POM121: variants seen among roughly 807,000 people sequenced by gnomAD.
POM121 encodes POM121 transmembrane nucleoporin, also known as nuclear envelope pore membrane protein POM 121.
A neutral mutation model predicts 81.3 loss-of-function variants in POM121; 32 were observed. That is an observed-to-expected ratio of 0.39 (90% confidence interval 0.30 to 0.53). The LOEUF is 0.53. POM121 is among the 20% of genes least tolerant of loss of function. POM121 has a pLI of 0.66. For missense variants in POM121, 1,138 were observed against 1,614.6 expected (o/e 0.70, Z 5.06); for synonymous variants, 514 against 694.2 (o/e 0.74, Z 4.08).
rs1416161593 is a variant in POM121 at position 72,930,171 on chromosome 7, A to G, written c.1275+60A>G. On this transcript the variant is annotated intron_variant, in intron 5 of 12. Coordinates refer to ENST00000434423, the MANE Select transcript of POM121 (RefSeq NM_001387691.1). ...AATTCCCAGCGTTCATTCATTGACTAGGGCCAGACATGGTAGCTTAGCCAT... is the reference window on the plus strand; with the variant it reads ...AATTCCCAGCGTTCATTCATTGACTGGGGCCAGACATGGTAGCTTAGCCAT... 7.2e-6 allele frequency: 11 copies of G among 1,532,734 alleles called. No homozygotes were observed. In the African/African-American group the frequency reaches 1.1e-4, roughly 15 times the overall value. The allele number at this position is 1,532,734 out of a possible 1,614,324, so 94.9% of individuals were successfully genotyped here.
chr7:72,925,183 G>C lies in POM121; in HGVS notation c.62G>C (p.Arg21Thr). 2.0e-6 allele frequency: 3 copies of C among 1,516,244 alleles called. No individual in the cohort carries two copies. Among genetic ancestry groups the C allele is most frequent in the East Asian group, 5.2e-5 (2 of 38,670 alleles). The allele number at this position is 1,516,244 out of a possible 1,614,324, so 93.9% of individuals were successfully genotyped here. A position where few individuals can be genotyped will look rare whatever the true frequency, so the allele number is the denominator to read the frequency against. The change falls in exon 1 of 13, where the codon AGG (arginine) becomes ACG (threonine). Residue 21 changes from arginine (R) to threonine (T), a missense_variant. By Grantham distance (71) the Arg-to-Thr change is moderately conservative (BLOSUM62 -1). This residue lies in a region of POM121 where 646 missense variants were observed against 633.5 expected (regional missense o/e 1.02). Coordinates refer to ENST00000434423, the MANE Select transcript of POM121 (RefSeq NM_001387691.1). ...GERRRPIASVRDGRGRGCGGP... is the reference protein window; with the variant it reads ...GERRRPIASVTDGRGRGCGGP... ...CGGCGGCGGCCCATAGCGAGTGTCA[G>C]GGACGGCCGGGGCCGGGGCTGCGGC...
chr7:72,924,858 T>C, upstream of POM121: 1 of 473,030 alleles, frequency 2.1e-6, no homozygotes, highest in Non-Finnish European at 3.5e-6. Flanking sequence ...AGCATAGGTC[T>C]CGGGCCCTTT....
At chr7:72,928,177 T>C (rs566761108) in intron 3 of POM121, among the ~76,000 whole-genome samples, 1 of 152,068 alleles carries the variant, frequency 6.6e-6, no homozygotes, top group South Asian at 2.1e-4. Context: ...GCTATTGCAC[T>C]CCAGCCTGGG....
At position 72,930,057 on chromosome 7, in the gene POM121, C is replaced by T. The variant is rs782761607; in HGVS notation, c.1221C>T (p.Ser407=). The part of the protein sequence containing the change: ...LTGAYASGIP[S]SSRNAITSSY... ...GCGCTTACGCAAGTGGCATCCCTAGCTCCAGCCGCAATGCCATTACCAGTT... is the reference window on the plus strand; with the variant it reads ...GCGCTTACGCAAGTGGCATCCCTAGTTCCAGCCGCAATGCCATTACCAGTT... Residue 407 remains serine (S), a synonymous_variant, in exon 5 of 13, where the codon AGC becomes AGT. Transcript: ENST00000434423. The T allele has an allele frequency of 6.2e-7, 1 of 1,614,030 alleles. No individual in the cohort carries two copies. Among genetic ancestry groups the T allele is most frequent in the Admixed American group, 1.7e-5 (1 of 60,024 alleles).
At position 72,943,044 on chromosome 7, in the gene POM121, C is replaced by T. The variant is rs782333689; in HGVS notation, c.3051C>T (p.Val1017=). 2.0e-5 allele frequency: 32 copies of T among 1,613,910 alleles called. 2 individuals are homozygous for T. The East Asian group carries it at 2.9e-4, about 15-fold the overall frequency. The change falls in exon 11 of 13, where the codon GTC becomes GTT. Residue 1017 remains valine, a synonymous_variant. Transcript: ENST00000434423. The part of the protein sequence containing the change: ...PTPAPPSMIK[V]VPAYVPTPIH... The stretch of plus-strand genomic sequence containing the variant: ...CTGCACCTCCGTCCATGATCAAGGT[C>T]GTGCCTGCGTACGTGCCTACGCCCA...
Position 72,925,108 on chromosome 7 carries a change from G to A in POM121, c.-14G>A, listed in dbSNP as rs1336552367. 48 of 1,399,676 alleles carry A rather than the reference G, an allele frequency of 3.4e-5. No homozygotes were observed. Among genetic ancestry groups the A allele is most frequent in the Non-Finnish European group, 4.3e-5 (47 of 1,091,958 alleles). 86.7% of individuals were successfully genotyped at this position (1,399,676 alleles called of 1,614,324 possible). On this transcript the variant is annotated 5_prime_UTR_variant, in exon 1 of 13. Coordinates refer to ENST00000434423, the MANE Select transcript of POM121 (RefSeq NM_001387691.1). ...GCTGGGATATTTAAGTCTCCTCCGCGGCGCGGAGCCGCGATGTCTCCGGCG... is the reference window on the plus strand; with the variant it reads ...GCTGGGATATTTAAGTCTCCTCCGCAGCGCGGAGCCGCGATGTCTCCGGCG...
chr7:72,905,018 C>T (rs1429915550), intron 3 of POM121, among the ~76,000 whole-genome samples: 2 of 152,178 alleles, frequency 1.3e-5, no homozygotes, highest in African/African-American at 4.8e-5. Flanking sequence ...CTGGGGATTA[C>T]AATTCAGGAT....
chr7:72,941,941 A>G lies in POM121; in HGVS notation c.1948A>G (p.Ser650Gly). The part of the protein sequence containing the change: ...SQSGPPGLLP[S>G]PSFDSKPPTT... ...GTCAGGGCCGCCAGGGCTGCTCCCC[A>G]GCCCCTCCTTTGACTCCAAACCCCC... Residue 650 changes from serine (S) to glycine (G), a missense_variant, in exon 11 of 13, where the codon AGC becomes GGC. This residue lies in a region of POM121 where 25 missense variants were observed against 214.1 expected (regional missense o/e 0.12). Transcript: ENST00000434423. 2 of 1,580,042 alleles carry G rather than the reference A, an allele frequency of 1.3e-6. No individual in the cohort carries two copies. Among genetic ancestry groups the G allele is most frequent in the Non-Finnish European group, 1.7e-6 (2 of 1,164,262 alleles).
chr7:72,879,995 A>G (rs1789971228), intron 1 of POM121: 2 of 384,248 alleles, frequency 5.2e-6, no homozygotes, highest in Non-Finnish European at 1.0e-5. Flanking sequence ...CTTGCCGGAG[A>G]GACATGTGTT....
In POM121 at chr7:72,943,179, T is replaced by C; in HGVS notation, c.3186T>C (p.Ala1062=). 2 of 1,613,382 alleles carry C rather than the reference T, an allele frequency of 1.2e-6. No individual in the cohort carries two copies. Among genetic ancestry groups the C allele is most frequent in the Non-Finnish European group, 1.7e-6 (2 of 1,179,808 alleles). The part of the protein sequence containing the change: ...SSQPAFGGST[A]VFFGAATSSG... The stretch of plus-strand genomic sequence containing the variant: ...AGCCCGCCTTTGGCGGCTCCACTGC[T>C]GTCTTCTTCGGTGCAGCCACCAGCT... Residue 1062 remains alanine, a synonymous_variant, in exon 11 of 13, where the codon GCT becomes GCC. Coordinates refer to ENST00000434423, the MANE Select transcript of POM121 (RefSeq NM_001387691.1).
At chr7:72,950,260 C>T (rs1230452974), downstream of POM121, 166 of 1,491,954 alleles carry the variant, frequency 1.1e-4, 1 homozygote, top group African/African-American at 1.5e-4. Context: ...CCTATTTCAA[C>T]GGTCCATTCA....
chr7:72,921,660 G>C (rs1242433399), upstream of POM121, among the ~76,000 whole-genome samples: 7 of 152,180 alleles, frequency 4.6e-5, no homozygotes, highest in African/African-American at 1.7e-4. Flanking sequence ...ACAACAGCAT[G>C]CGTTAAACCA....
chr7:72,940,085 G>A, intron 8 of POM121, 117 bp downstream of exon 8: 1 of 1,301,904 alleles, frequency 7.7e-7, no homozygotes, highest in East Asian at 2.6e-5. Context: ...TTTGTTTTTT[G>A]AGACAACATC....
At chr7:72,906,870 C>T (rs1240229742) in intron 3 of POM121, among the ~76,000 whole-genome samples, 1 of 151,436 alleles carries the variant, frequency 6.6e-6, no homozygotes, top group East Asian at 1.9e-4. Flanking sequence ...TCAAGTGATT[C>T]CCCCCGCCTC....
downstream of POM121, chr7:72,948,577 GCT>G: frequency 1.9e-6 from 3 of 1,612,504 alleles, no homozygotes; most frequent in Non-Finnish European, 2.5e-6. Context: ...TGGTGCTGAT[GCT>G]TTGGCCTGTG....
At chr7:72,906,803 CT>C (rs1793284524) in intron 3 of POM121, among the ~76,000 whole-genome samples, 1 of 144,178 alleles carries the variant, frequency 6.9e-6, no homozygotes, top group Admixed American at 6.9e-5. Flanking sequence ...TTTTTTTTTT[CT>C]TTTTGTAGAG....
At chr7:72,902,238 T>A (rs1385672061) in intron 3 of POM121, among the ~76,000 whole-genome samples, 1 of 151,290 alleles carries the variant, frequency 6.6e-6, no homozygotes, top group Non-Finnish European at 1.5e-5. Flanking sequence ...TCCATTTTTA[T>A]ACTTTTCTTT....
intron 11 of POM121, 89 bp downstream of exon 11, chr7:72,943,611 G>C (rs1264390706): frequency 6.6e-7 from 1 of 1,505,404 alleles, no homozygotes. Context: ...TTATGCTGTG[G>C]CAGTGAAGAG....
At chr7:72,939,584 A>G (rs1394431876) in intron 7 of POM121, among the ~76,000 whole-genome samples, 175 bp downstream of exon 7, 1 of 152,212 alleles carries the variant, frequency 6.6e-6, no homozygotes, top group Non-Finnish European at 1.5e-5. Context: ...TGAGGGAGAA[A>G]GGCTACAGAC....
Sources: allele counts gnomAD v4.1 joint callset (sites outside exome capture counted in the v4.1 genomes callset), GRCh38; gene constraint gnomAD v4.1.1; regional missense constraint gnomAD v4.1.1; transcripts MANE v1.5; gene names NCBI Gene and HGNC (gene_info 2026-07-23, HGNC 2026-07-21).